The following DLG2 variants were observed in gnomAD, a reference collection of about 807,000 sequenced individuals.
The protein encoded by DLG2 is discs large MAGUK scaffold protein 2.
A neutral mutation model predicts 132.5 loss-of-function variants in DLG2; 45 were observed. The ratio of observed to expected loss-of-function variants is 0.34; its 90% CI spans 0.27 to 0.44. The LOEUF (loss-of-function observed/expected upper bound fraction) is 0.44, where lower values mean the gene tolerates loss of function less well. Among genes scored for constraint, DLG2 ranks in the 20% least tolerant of loss-of-function variants. The pLI, the probability that DLG2 is intolerant of heterozygous loss-of-function variation, is 1.00. For missense variants in DLG2, 1,045 were observed against 1,196.9 expected (o/e 0.87, Z 1.87); for synonymous variants, 424 against 419.6 (o/e 1.01, Z -0.13).
At chr11:84,657,091 A>G (rs1344364992) in intron 6 of DLG2, among the ~76,000 whole-genome samples, 2 of 152,310 alleles carry the variant, frequency 1.3e-5, no homozygotes, top group East Asian at 1.9e-4. Flanking sequence ...AGGATCACAC[A>G]GCTAGTAAAG....
chr11:83,595,893 G>T (rs566995082), intron 19 of DLG2, among the ~76,000 whole-genome samples: 1 of 152,106 alleles, frequency 6.6e-6, no homozygotes, highest in African/African-American at 2.4e-5. Flanking sequence ...AGATGATGTC[G>T]TAATAGGTGC....
intron 6 of DLG2, among the ~76,000 whole-genome samples, chr11:84,637,156 G>A (rs1456073826): frequency 5.3e-5 from 8 of 152,220 alleles, no homozygotes; most frequent in Non-Finnish European, 1.0e-4. Context: ...CAAAGAAAGC[G>A]ATGTCCAGTG....
At chr11:84,394,037 C>A (rs1215406374) in intron 7 of DLG2, among the ~76,000 whole-genome samples, 1 of 152,052 alleles carries the variant, frequency 6.6e-6, no homozygotes, top group Non-Finnish European at 1.5e-5. Flanking sequence ...AGGCATGCAT[C>A]AACACGCCCA....
chr11:84,726,178 C>T (rs892993845), intron 6 of DLG2, among the ~76,000 whole-genome samples: 1 of 152,090 alleles, frequency 6.6e-6, no homozygotes, highest in Non-Finnish European at 1.5e-5. Context: ...AGTTTTGTTA[C>T]ATAGGTATAC....
chr11:84,880,364 C>T (rs1423865199), intron 6 of DLG2, among the ~76,000 whole-genome samples: 2 of 152,076 alleles, frequency 1.3e-5, no homozygotes, highest in Non-Finnish European at 2.9e-5. Context: ...AAGTGCCCAG[C>T]CACCGGGTGA....
chr11:83,872,467 T>G (rs981521714), intron 16 of DLG2, among the ~76,000 whole-genome samples: 1 of 152,224 alleles, frequency 6.6e-6, no homozygotes, highest in Non-Finnish European at 1.5e-5. Flanking sequence ...AATTGCTTTA[T>G]GCTAGTTGGG....
At chr11:84,804,272 AATG>A (rs1299269788) in intron 6 of DLG2, among the ~76,000 whole-genome samples, 1 of 152,210 alleles carries the variant, frequency 6.6e-6, no homozygotes, top group African/African-American at 2.4e-5. Context: ...TGTAGCTTGG[AATG>A]ATATCTCTCA....
At chr11:84,078,393 C>T (rs1292694896) in intron 10 of DLG2, among the ~76,000 whole-genome samples, 1 of 152,096 alleles carries the variant, frequency 6.6e-6, no homozygotes, top group African/African-American at 2.4e-5. Context: ...GAATTGGAAA[C>T]CACATGATTT....
chr11:85,027,934 CT>C (rs1376865278), intron 6 of DLG2, among the ~76,000 whole-genome samples: 1 of 152,186 alleles, frequency 6.6e-6, no homozygotes, highest in Admixed American at 6.5e-5. Flanking sequence ...TGTTGCAGCT[CT>C]TTCAGTCCCA....
chr11:83,682,213 C>T lies in DLG2; in HGVS notation c.1826-48888G>A, dbSNP rs923987128. 11 of 985,370 alleles carry T rather than the reference C, an allele frequency of 1.1e-5. No homozygotes were observed. In the East Asian group the frequency reaches 1.1e-3, roughly 102 times the overall value. The allele number at this position is 985,370 out of a possible 1,614,324, so 61.0% of individuals were successfully genotyped here. A position where few individuals can be genotyped will look rare whatever the true frequency, so the allele number is the denominator to read the frequency against. ...AGGAGGCAGGAGGCACCAAAGGCAG[C>T]TTCTCCGTCTCCTTGGTGCCAGGTT... On this transcript the variant is annotated intron_variant, in intron 18 of 27. Coordinates refer to ENST00000376104, the MANE Select transcript of DLG2 (RefSeq NM_001142699.3).
chr11:85,282,698 T>A (rs1018973368), intron 4 of DLG2, among the ~76,000 whole-genome samples: 4 of 151,960 alleles, frequency 2.6e-5, no homozygotes, highest in Non-Finnish European at 5.9e-5. Flanking sequence ...TATGCTTCTA[T>A]GCAATATATA....
intron 6 of DLG2, among the ~76,000 whole-genome samples, chr11:84,822,619 T>G (rs1009560810): frequency 6.6e-6 from 1 of 151,908 alleles, no homozygotes; most frequent in Non-Finnish European, 1.5e-5. Context: ...TCACAGGAAC[T>G]AGCTTTCAAA....
intron 6 of DLG2, among the ~76,000 whole-genome samples, chr11:84,776,146 T>C (rs2070441258): frequency 6.6e-6 from 1 of 152,112 alleles, no homozygotes. Context: ...GCATGTACAA[T>C]TCTATCACTT....
At position 85,068,406 on chromosome 11, in the gene DLG2, A is replaced by C. The variant is rs781690991; in HGVS notation, c.357+43255T>G. Among the ~76,000 whole-genome samples the C allele has an allele frequency of 2.2e-4, 34 of 152,028 alleles. 1 individual carries two copies. The highest frequency in any genetic ancestry group is 1.5e-3 in the Admixed American group (23 of 15,236). Reference sequence around the variant, plus strand: ...TGATTATATATGTAGGAAACCCCATAGTCTCAGCCCAAAATCTCCTTAAGC... The same window carrying C: ...TGATTATATATGTAGGAAACCCCATCGTCTCAGCCCAAAATCTCCTTAAGC... On this transcript the variant is annotated intron_variant, in intron 6 of 27. Coordinates refer to ENST00000376104, the MANE Select transcript of DLG2 (RefSeq NM_001142699.3).
intron 18 of DLG2, among the ~76,000 whole-genome samples, chr11:83,769,738 AT>A (rs1403430065): frequency 1.7e-4 from 25 of 151,322 alleles, no homozygotes; most frequent in Non-Finnish European, 3.1e-4. Context: ...TAAGTTTTGT[AT>A]TTTTTAGTAG....
At chr11:85,602,564 T>C (rs1034433897) in intron 2 of DLG2, among the ~76,000 whole-genome samples, 2 of 152,188 alleles carry the variant, frequency 1.3e-5, no homozygotes, top group Admixed American at 6.5e-5. Context: ...TCTGATTTTT[T>C]TGTAGAGATG....
intron 6 of DLG2, among the ~76,000 whole-genome samples, chr11:85,049,596 G>T (rs1290613498): frequency 6.6e-6 from 1 of 152,020 alleles, no homozygotes; most frequent in Admixed American, 6.6e-5. Context: ...GATAATAGCT[G>T]AAATTGCTCA....
At chr11:84,873,448 G>A (rs1028754897) in intron 6 of DLG2, among the ~76,000 whole-genome samples, 6 of 152,190 alleles carry the variant, frequency 3.9e-5, no homozygotes, top group African/African-American at 1.4e-4. Context: ...TAGATAATAA[G>A]TTTGTGTTGT....
intron 6 of DLG2, among the ~76,000 whole-genome samples, chr11:85,109,313 C>G (rs543227619): frequency 6.6e-6 from 1 of 152,182 alleles, no homozygotes; most frequent in East Asian, 1.9e-4. Context: ...GCCCCCAGTT[C>G]TATGGCAGAA....
Sources: gnomAD v4.1 joint callset for allele counts (sites outside exome capture counted in the v4.1 genomes callset) on GRCh38, gnomAD v4.1.1 for gene constraint, MANE v1.5 for transcripts, NCBI Gene and HGNC (gene_info 2026-07-23, HGNC 2026-07-21) for gene names.